Variants in RP1L1 observed in about 807,000 individuals in gnomAD.
RP1L1 encodes RP1 like 1, also known as retinitis pigmentosa 1-like 1 protein.
A neutral mutation model predicts 15.7 loss-of-function variants in RP1L1; 27 were observed. The observed-to-expected ratio is 1.72, with a 90% confidence interval of 1.27 to 2.38. The LOEUF is 2.38. RP1L1 is among the 30% of genes most tolerant of loss of function. RP1L1 has a pLI of 0.00. For missense variants in RP1L1, 4,798 were observed against 3,075.9 expected, an observed-to-expected ratio of 1.56 and a Z score of -13.24; for synonymous variants, 1,813 against 1,276.7, an observed-to-expected ratio of 1.42 and a Z score of -8.96.
intron 1 of RP1L1, among the ~76,000 whole-genome samples, chr8:10,642,959 A>C (rs1235053172): frequency 6.6e-6 from 1 of 152,186 alleles, no homozygotes; most frequent in Admixed American, 6.5e-5. Context: ...GACAGAAGAC[A>C]GGTGAAGAAT....
chr8:10,647,242 C>G (rs541924064), intron 1 of RP1L1, among the ~76,000 whole-genome samples: 1 of 152,224 alleles, frequency 6.6e-6, no homozygotes, highest in African/African-American at 2.4e-5. Flanking sequence ...AACGAATGTC[C>G]GCCCTCTGAC....
In RP1L1 at chr8:10,609,527, T is replaced by C; in HGVS notation, c.4571A>G (p.Lys1524Arg). Residue 1524 changes from lysine to arginine, a missense_variant, in exon 4 of 4, where the codon AAG becomes AGG. Coordinates refer to ENST00000382483, the MANE Select transcript of RP1L1 (RefSeq NM_178857.6). ...CDPIWVSVLL[K>R]KTEKAFLAHL... is the part of the protein sequence containing the mutation. ...GGCCAGGAAGGCCTTCTCCGTCTTC[T>C]TCAGTAACACGGACACCCAGATGGG... is the stretch of plus-strand genomic sequence containing the variant. 6.2e-7 allele frequency: 1 copy of C among 1,608,178 alleles called. No individual in the cohort carries two copies. Among genetic ancestry groups the C allele is most frequent in the Non-Finnish European group, 8.5e-7 (1 of 1,178,280 alleles).
At chr8:10,617,542 T>C (rs568884831) in intron 2 of RP1L1, among the ~76,000 whole-genome samples, 3 of 138,424 alleles carry the variant, frequency 2.2e-5, no homozygotes, top group Non-Finnish European at 4.6e-5. Context: ...TTCTGTTTCT[T>C]TTTCTTTTTT....
chr8:10,629,903 G>C (rs1322709604), intron 1 of RP1L1, among the ~76,000 whole-genome samples: 1 of 152,168 alleles, frequency 6.6e-6, no homozygotes, highest in Non-Finnish European at 1.5e-5. Flanking sequence ...TGCTCACCAA[G>C]ACCACTTATC....
intron 3 of RP1L1, among the ~76,000 whole-genome samples, chr8:10,614,327 A>C (rs940485645): frequency 7.9e-5 from 12 of 152,234 alleles, no homozygotes; most frequent in African/African-American, 2.7e-4. Flanking sequence ...GCCATGAAGA[A>C]GAGAAGAAAG....
chr8:10,635,864 G>T (rs1288426267), intron 1 of RP1L1, among the ~76,000 whole-genome samples: 1 of 152,238 alleles, frequency 6.6e-6, no homozygotes, highest in East Asian at 1.9e-4. Flanking sequence ...AGGCCACCAG[G>T]TGGGATGCCT....
At chr8:10,650,221 T>C (rs1024439987) in intron 1 of RP1L1, among the ~76,000 whole-genome samples, 1 of 152,188 alleles carries the variant, frequency 6.6e-6, no homozygotes, top group African/African-American at 2.4e-5. Flanking sequence ...ATGAAGCCAG[T>C]GAGTTAATCA....
chr8:10,630,601 G>C (rs1483550061), intron 1 of RP1L1, among the ~76,000 whole-genome samples: 3 of 152,218 alleles, frequency 2.0e-5, no homozygotes, highest in Non-Finnish European at 4.4e-5. Context: ...AGAGAAGGGA[G>C]CTTTGCACCT....
chr8:10,611,481 T>C lies in RP1L1; in HGVS notation c.2617A>G (p.Thr873Ala), dbSNP rs1197888143. The change falls in exon 4 of 4, where the codon ACC becomes GCC. Residue 873 changes from threonine to alanine, a missense_variant. By Grantham distance (58) the Thr-to-Ala change is moderately conservative. Coordinates refer to ENST00000382483, the MANE Select transcript of RP1L1 (RefSeq NM_178857.6). ...GCAGTGCTTTGGTGGCTGCTGCCGG[T>C]GCTCCCACAGCTGGAAGAGCGCCTC... The part of the protein sequence containing the change: ...PQRRSSSCGS[T>A]GSSHQSTARG... The C allele has an allele frequency of 2.5e-6, 4 of 1,571,038 alleles. No individual in the cohort carries two copies. The highest frequency in any genetic ancestry group is 3.4e-6 in the Non-Finnish European group (4 of 1,160,492).
Position 10,650,633 on chromosome 8 carries a change from T to C in RP1L1, c.-20+4265A>G, listed in dbSNP as rs190506884. Among the ~76,000 whole-genome samples, 928 of 151,966 alleles carry C rather than the reference T, an allele frequency of 6.1e-3. 9 individuals are homozygous for C. Among genetic ancestry groups the C allele is most frequent in the South Asian group, 0.02 (98 of 4,800 alleles). On this transcript the variant is annotated intron_variant, in intron 1 of 3. Coordinates refer to ENST00000382483, the MANE Select transcript of RP1L1 (RefSeq NM_178857.6). ...GTGCAGTGGTGCGATCTCAGCTCAC[T>C]GCTAACCTCTGCCACCCAGGGTTCA...
chr8:10,610,973 A>T lies in RP1L1; in HGVS notation c.3125T>A (p.Val1042Asp), dbSNP rs201692326. ...TCCCTCTGGAGCTGCCCCTTGGGGG[A>T]CACCCTCTCCTGATTGGGGACCAGT... ...SDTGPQSGEGVPQGAAPEGVS... is the reference protein window; with the variant it reads ...SDTGPQSGEGDPQGAAPEGVS... The change falls in exon 4 of 4, where the codon GTC becomes GAC. Residue 1042 changes from valine (V) to aspartate (D), a missense_variant. Val to Asp is a radical substitution (Grantham distance 152, BLOSUM62 -3). Transcript: ENST00000382483. The T allele has an allele frequency of 3.0e-4, 487 of 1,612,026 alleles. 1 individual carries two copies. The African/African-American group carries it at 5.9e-3, about 20-fold the overall frequency.
At chr8:10,620,632 G>A (rs891967939) in intron 2 of RP1L1, among the ~76,000 whole-genome samples, 2 of 152,142 alleles carry the variant, frequency 1.3e-5, no homozygotes, top group Non-Finnish European at 2.9e-5. Context: ...CACAACAGTG[G>A]CCCCATGGAG....
At chr8:10,625,847 G>C (rs1798148248) in intron 1 of RP1L1, among the ~76,000 whole-genome samples, 1 of 152,050 alleles carries the variant, frequency 6.6e-6, no homozygotes, top group Non-Finnish European at 1.5e-5. Flanking sequence ...CAAACCCCAG[G>C]GTCCACTTGT....
At chr8:10,628,392 GA>G (rs1234001576) in intron 1 of RP1L1, among the ~76,000 whole-genome samples, 2 of 152,044 alleles carry the variant, frequency 1.3e-5, no homozygotes, top group Admixed American at 6.6e-5. Flanking sequence ...TGCCCCTCCT[GA>G]AAAACAAGCA....
chr8:10,653,996 G>A (rs911950930), intron 1 of RP1L1, among the ~76,000 whole-genome samples: 2 of 152,148 alleles, frequency 1.3e-5, no homozygotes, highest in African/African-American at 2.4e-5. Flanking sequence ...AGGGAGCCTG[G>A]GGCAGGGGGA....
rs1797816269 is a variant in RP1L1 at position 10,610,165 on chromosome 8, T to G, written c.3933A>C (p.Glu1311Asp). The G allele has an allele frequency of 6.5e-7, 1 of 1,537,918 alleles. No homozygotes were observed. Residue 1311 changes from glutamate (E) to aspartate (D), a missense_variant, in exon 4 of 4, where the codon GAA becomes GAC. By Grantham distance (45) the Glu-to-Asp change is conservative. Coordinates refer to ENST00000382483, the MANE Select transcript of RP1L1 (RefSeq NM_178857.6). ...CCGCCTCTTCTTGCAGCCCTTCTCC[T>G]TCTGTTCCTTCTTTAGTTTCCTCTA... is the stretch of plus-strand genomic sequence containing the variant. ...VQLEETKEGT[E>D]GEGLQEEAVQ...
intron 1 of RP1L1, among the ~76,000 whole-genome samples, chr8:10,654,099 TG>T (rs1200217883): frequency 1.3e-5 from 2 of 152,196 alleles, no homozygotes; most frequent in African/African-American, 4.8e-5. Flanking sequence ...GTCTGAGGTC[TG>T]GGCCATGGAT....
At chr8:10,639,715 A>G (rs1798380835) in intron 1 of RP1L1, among the ~76,000 whole-genome samples, 1 of 152,156 alleles carries the variant, frequency 6.6e-6, no homozygotes, top group Non-Finnish European at 1.5e-5. Flanking sequence ...GGAGAATCTT[A>G]TTGCAAGCCT....
chr8:10,617,399 CAAAAAA>C (rs369885056), intron 2 of RP1L1, among the ~76,000 whole-genome samples: 50 of 83,002 alleles, frequency 6.0e-4, no homozygotes, highest in South Asian at 1.6e-3. Context: ...TGCTCATTAA[CAAAAAA>C]AAAAAAAAAA....
Sources: gnomAD v4.1 joint callset for allele counts (sites outside exome capture counted in the v4.1 genomes callset) on GRCh38, gnomAD v4.1.1 for gene constraint, MANE v1.5 for transcripts, NCBI Gene and HGNC (gene_info 2026-07-23, HGNC 2026-07-21) for gene names.